Variants in MAGI1 observed in about 807,000 individuals in gnomAD.
The protein encoded by MAGI1 is membrane-associated guanylate kinase, WW and PDZ domain-containing protein 1.
MAGI1 carries 58 observed loss-of-function variants against 139.9 expected under a neutral mutation model. That is an observed-to-expected ratio of 0.41 (90% CI 0.34 to 0.52). MAGI1 has a LOEUF of 0.52. MAGI1 is among the 20% of genes least tolerant of loss of function. The pLI is 0.12. For missense variants in MAGI1, 1,874 were observed against 1,901.6 expected (o/e 0.99, Z 0.27); for synonymous variants, 812 against 737.9 (o/e 1.10, Z -1.63).
chr3:65,666,515 C>T (rs1232781003), intron 1 of MAGI1, among the ~76,000 whole-genome samples: 2 of 152,068 alleles, frequency 1.3e-5, no homozygotes, highest in Non-Finnish European at 2.9e-5. Flanking sequence ...ATTATAAAAC[C>T]TTATAGACAT....
rs927036433 is a variant in MAGI1, at chr3:65,715,227, G to T, written c.314-93139C>A. ...ATCACTCTCATCAGATGCTAAATTGGTGTAACAATTTTCTGCATCCCAAAT... is the reference window on the plus strand; with the variant it reads ...ATCACTCTCATCAGATGCTAAATTGTTGTAACAATTTTCTGCATCCCAAAT... On this transcript the variant is annotated intron_variant, in intron 1 of 22. Coordinates refer to ENST00000402939, the MANE Select transcript of MAGI1 (RefSeq NM_001033057.2). Among the ~76,000 whole-genome samples the T allele has an allele frequency of 7.2e-5, 11 of 152,144 alleles. No individual in the cohort carries two copies. In the South Asian group the frequency reaches 8.3e-4, roughly 11 times the overall value.
intron 3 of MAGI1, among the ~76,000 whole-genome samples, chr3:65,483,232 C>T (rs1951400988): frequency 6.6e-6 from 1 of 152,216 alleles, no homozygotes; most frequent in African/African-American, 2.4e-5. Flanking sequence ...TCTTATTCTG[C>T]TGTGAACTGC....
chr3:65,812,338 T>C (rs982934540), intron 1 of MAGI1, among the ~76,000 whole-genome samples: 2 of 152,018 alleles, frequency 1.3e-5, no homozygotes, highest in Non-Finnish European at 2.9e-5. Context: ...GGCCCAGTGC[T>C]CCCCAGCAGG....
intron 4 of MAGI1, among the ~76,000 whole-genome samples, chr3:65,474,497 T>C (rs759096918): frequency 2.6e-5 from 4 of 152,114 alleles, no homozygotes; most frequent in Non-Finnish European, 5.9e-5. Flanking sequence ...ATGGATTGCT[T>C]CTCTCTCAAG....
intron 1 of MAGI1, among the ~76,000 whole-genome samples, chr3:65,996,663 G>T (rs2107404861): frequency 6.6e-6 from 1 of 152,176 alleles, no homozygotes; most frequent in African/African-American, 2.4e-5. Context: ...TGTCAAAGTT[G>T]GGTGGAGAAC....
intron 1 of MAGI1, among the ~76,000 whole-genome samples, chr3:65,697,327 C>T (rs2089292727): frequency 6.6e-6 from 1 of 151,228 alleles, no homozygotes; most frequent in Admixed American, 6.6e-5. Flanking sequence ...TCTTCTGAAA[C>T]TATTCCAATC....
intron 1 of MAGI1, among the ~76,000 whole-genome samples, chr3:65,682,485 T>C (rs1576711102): frequency 6.6e-6 from 1 of 152,270 alleles, no homozygotes; most frequent in East Asian, 1.9e-4. Flanking sequence ...TTTAAACAAA[T>C]GGAGCTACAG....
intron 9 of MAGI1, among the ~76,000 whole-genome samples, chr3:65,438,093 A>G (rs939991767): frequency 6.6e-6 from 1 of 152,226 alleles, no homozygotes; most frequent in Non-Finnish European, 1.5e-5. Context: ...TTACTGCAGC[A>G]CTACTCACAA....
At chr3:65,550,022 T>C (rs2079745608) in intron 2 of MAGI1, among the ~76,000 whole-genome samples, 1 of 152,176 alleles carries the variant, frequency 6.6e-6, no homozygotes, top group African/African-American at 2.4e-5. Flanking sequence ...GTGTTCTGGG[T>C]CCACCACCTG....
rs1319179562 is a variant in MAGI1 at position 65,648,038 on chromosome 3, T to G, written c.314-25950A>C. 2.6e-5 allele frequency among the ~76,000 whole-genome samples: 4 copies of G among 152,190 alleles called. No individual in the cohort carries two copies. In the East Asian group the frequency reaches 7.7e-4, roughly 29 times the overall value. ...TGTTATTCCTCAAATATCATGATTA[T>G]CTACATAGAAAATCCCAAGGAATCT... is the stretch of plus-strand genomic sequence containing the variant. On this transcript the variant is annotated intron_variant, in intron 1 of 22. Coordinates refer to ENST00000402939, the MANE Select transcript of MAGI1 (RefSeq NM_001033057.2).
intron 1 of MAGI1, among the ~76,000 whole-genome samples, chr3:65,735,285 G>A (rs1362879841): frequency 6.6e-6 from 1 of 152,020 alleles, no homozygotes; most frequent in Non-Finnish European, 1.5e-5. Flanking sequence ...AATGGAAACA[G>A]AAGTTAAGGA....
chr3:66,028,861 A>G (rs1224546616), intron 1 of MAGI1, among the ~76,000 whole-genome samples: 1 of 152,168 alleles, frequency 6.6e-6, no homozygotes, highest in African/African-American at 2.4e-5. Flanking sequence ...TCTAGACTTG[A>G]AAAGCTCTCC....
intron 1 of MAGI1, among the ~76,000 whole-genome samples, chr3:65,645,941 G>C (rs989012395): frequency 6.6e-6 from 1 of 151,054 alleles, no homozygotes; most frequent in Non-Finnish European, 1.5e-5. Flanking sequence ...AATCAAAATA[G>C]AATGCTAATA....
chr3:65,852,722 C>T (rs2059245757), intron 1 of MAGI1, among the ~76,000 whole-genome samples: 1 of 151,824 alleles, frequency 6.6e-6, no homozygotes. Flanking sequence ...AGGCTGGTCT[C>T]GAACTCCCGA....
intron 21 of MAGI1, among the ~76,000 whole-genome samples, chr3:65,362,230 G>A (rs551584678): frequency 2.9e-4 from 44 of 152,108 alleles, no homozygotes; most frequent in African/African-American, 1.0e-3. Flanking sequence ...CATCAAATCA[G>A]GTAATACATG....
At chr3:65,999,977 T>TTG (rs1473258889) in intron 1 of MAGI1, among the ~76,000 whole-genome samples, 1 of 147,178 alleles carries the variant, frequency 6.8e-6, no homozygotes, top group East Asian at 2.0e-4. Context: ...CCACGCTTTT[T>TTG]TTTTTTTTTT....
At chr3:65,837,349 C>A (rs956448454) in intron 1 of MAGI1, among the ~76,000 whole-genome samples, 1 of 152,190 alleles carries the variant, frequency 6.6e-6, no homozygotes, top group African/African-American at 2.4e-5. Context: ...GCCACACCTG[C>A]TGACGGAAGA....
chr3:65,697,279 G>A (rs1406610132), intron 1 of MAGI1, among the ~76,000 whole-genome samples: 1 of 151,468 alleles, frequency 6.6e-6, no homozygotes, highest in African/African-American at 2.4e-5. Flanking sequence ...ATTCACAGCT[G>A]AATTCTATCA....
chr3:65,571,203 T>C (rs2080942752), intron 2 of MAGI1, among the ~76,000 whole-genome samples: 2 of 152,132 alleles, frequency 1.3e-5, no homozygotes, highest in African/African-American at 4.8e-5. Flanking sequence ...ATTTTAAAAA[T>C]TGCAGTGAAT....
Sources: allele counts gnomAD v4.1 joint callset (sites outside exome capture counted in the v4.1 genomes callset), GRCh38; gene constraint gnomAD v4.1.1; transcripts MANE v1.5; gene names NCBI Gene and HGNC (gene_info 2026-07-23, HGNC 2026-07-21).